The following IMPG2 variants were observed in gnomAD, a reference collection of about 807,000 sequenced individuals.
The protein encoded by IMPG2 is IPM 200.
In IMPG2, 91 loss-of-function variants were observed where a neutral mutation model predicts 129.2. The observed-to-expected ratio is 0.70, with a 90% CI of 0.59 to 0.84. The LOEUF (loss-of-function observed/expected upper bound fraction) is 0.84, where lower values mean the gene tolerates loss of function less well. Ranked by LOEUF, IMPG2 falls within the 40% of genes least tolerant of loss-of-function variation. The pLI is 0.00. For synonymous variants in IMPG2, 510 were observed against 517.7 expected, an observed-to-expected ratio of 0.99 and a Z score of 0.20; for missense variants, 1,430 against 1,461.7, an observed-to-expected ratio of 0.98 and a Z score of 0.35.
chr3:101,248,459 A>G (rs1213870884), intron 11 of IMPG2, among the ~76,000 whole-genome samples: 1 of 152,178 alleles, frequency 6.6e-6, no homozygotes, highest in Non-Finnish European at 1.5e-5. Flanking sequence ...GTGAAAACAG[A>G]TTAATACACA....
chr3:101,250,846 A>G (rs1236751078), intron 11 of IMPG2, among the ~76,000 whole-genome samples: 2 of 152,198 alleles, frequency 1.3e-5, no homozygotes, highest in South Asian at 2.1e-4. Context: ...GCCTATTTAC[A>G]TAGAAAAAAC....
intron 14 of IMPG2, among the ~76,000 whole-genome samples, chr3:101,241,741 T>C (rs1356561235): frequency 1.3e-5 from 2 of 151,966 alleles, no homozygotes; most frequent in Non-Finnish European, 2.9e-5. Context: ...AAGGATGACT[T>C]CTCTGGCCAG....
At chr3:101,272,122 TAC>T (rs1284991682) in intron 7 of IMPG2, among the ~76,000 whole-genome samples, 1 of 133,488 alleles carries the variant, frequency 7.5e-6, no homozygotes, top group Non-Finnish European at 1.6e-5. Context: ...CACACACACA[TAC>T]ACACACACAC....
intron 18 of IMPG2, among the ~76,000 whole-genome samples, 163 bp downstream of exon 18, chr3:101,228,634 C>T (rs1706248954): frequency 6.6e-6 from 1 of 152,208 alleles, no homozygotes; most frequent in South Asian, 2.1e-4. Flanking sequence ...ATGAGATAAT[C>T]TGCCTGGACA....
chr3:101,253,460 C>T (rs201162259), intron 11 of IMPG2, among the ~76,000 whole-genome samples: 1 of 152,070 alleles, frequency 6.6e-6, no homozygotes, highest in Non-Finnish European at 1.5e-5. Flanking sequence ...AAGGTTTCTA[C>T]CCTGTGTGGA....
intron 6 of IMPG2, among the ~76,000 whole-genome samples, chr3:101,274,766 G>A (rs1706823119): frequency 6.6e-6 from 1 of 152,140 alleles, no homozygotes; most frequent in South Asian, 2.1e-4. Context: ...TCTGCCTCAA[G>A]TTCAGAGCTG....
At chr3:101,285,267 T>C (rs1388398414) in intron 4 of IMPG2, among the ~76,000 whole-genome samples, 1 of 152,190 alleles carries the variant, frequency 6.6e-6, no homozygotes, top group Admixed American at 6.5e-5. Context: ...CCAAGAGTAC[T>C]GCCAGTGTGC....
chr3:101,302,780 G>A (rs942781758), intron 3 of IMPG2, among the ~76,000 whole-genome samples: 15 of 152,042 alleles, frequency 9.9e-5, no homozygotes, highest in South Asian at 2.1e-4. Context: ...CATGCAATAC[G>A]TTTCATTAAA....
Position 101,245,962 on chromosome 3 carries a change from T to C in IMPG2, c.1383A>G (p.Thr461=), listed in dbSNP as rs1473835643. 1.2e-6 allele frequency: 2 copies of C among 1,614,138 alleles called. No individual in the cohort carries two copies. Among genetic ancestry groups the C allele is most frequent in the South Asian group, 1.1e-5 (1 of 91,090 alleles). The stretch of plus-strand genomic sequence containing the variant: ...TCTTCGAGGGAAAGGCTAATTTGTG[T>C]GTAGACACTAAATCACCCAAAGGAC... ...SESPLGDLVS[T]HKLAFPSKMG... is the part of the protein sequence containing the mutation. The change falls in exon 12 of 19, where the codon ACA becomes ACG. Residue 461 remains threonine, a synonymous_variant. Coordinates refer to ENST00000193391, the MANE Select transcript of IMPG2 (RefSeq NM_016247.4).
intron 9 of IMPG2, among the ~76,000 whole-genome samples, chr3:101,266,115 G>A (rs1706718384): frequency 6.6e-6 from 1 of 152,168 alleles, no homozygotes; most frequent in African/African-American, 2.4e-5. Flanking sequence ...ATGTAAACTT[G>A]TATAGCCACT....
At chr3:101,253,644 G>T in intron 11 of IMPG2, 52 bp downstream of exon 11, 1 of 1,233,780 alleles carries the variant, frequency 8.1e-7, no homozygotes, top group Non-Finnish European at 1.2e-6. Flanking sequence ...GGTGCAGGAA[G>T]AAAGAAGAGA....
intron 8 of IMPG2, 109 bp downstream of exon 8, chr3:101,269,406 C>A: frequency 2.8e-6 from 2 of 704,970 alleles, no homozygotes; most frequent in Non-Finnish European, 2.6e-6. Context: ...CATTGAGTTA[C>A]AGCATTCAAA....
At chr3:101,291,560 G>C in intron 3 of IMPG2, 50 bp from the exon 4 acceptor site, 6 of 1,429,546 alleles carry the variant, frequency 4.2e-6, no homozygotes, top group East Asian at 2.3e-5. Context: ...CAGTTATTAA[G>C]GAGTAAATAA....
rs757015920 is a variant in IMPG2, at chr3:101,244,765, T to C, written c.1566A>G (p.Ser522=). Residue 522 remains serine (S), a synonymous_variant, in exon 13 of 19, where the codon TCA becomes TCG. Transcript: ENST00000193391. ...VEDGLANVEE[S]EDFLSIDSLP... ...ATGAATCAATAGAAAGAAAATCTTCTGACTCTTCAACATTGGCTAATCCTA... is the reference window on the plus strand; with the variant it reads ...ATGAATCAATAGAAAGAAAATCTTCCGACTCTTCAACATTGGCTAATCCTA... 3 of 1,613,990 alleles carry C rather than the reference T, an allele frequency of 1.9e-6. No homozygotes were observed. Among genetic ancestry groups the C allele is most frequent in the Non-Finnish European group, 2.5e-6 (3 of 1,179,900 alleles).
Position 101,228,847 on chromosome 3 carries a change from T to C in IMPG2, c.3663A>G (p.Glu1221=). The change falls in exon 18 of 19, where the codon GAA becomes GAG. Residue 1221 remains glutamate, a synonymous_variant. Coordinates refer to ENST00000193391, the MANE Select transcript of IMPG2 (RefSeq NM_016247.4). Reference sequence around the variant, plus strand: ...CAAACTCAGGATCATTGGCATACAGTTCCAAAACTCTCATTCTCTCTTGAA... The same window carrying C: ...CAAACTCAGGATCATTGGCATACAGCTCCAAAACTCTCATTCTCTCTTGAA... ...EEIQERMRVL[E]LYANDPEFAA... 6.2e-7 allele frequency: 1 copy of C among 1,613,894 alleles called. No homozygotes were observed. The highest frequency in any genetic ancestry group is 1.1e-5 in the South Asian group (1 of 91,068).
At chr3:101,254,861 G>A (rs147933798) in intron 10 of IMPG2, among the ~76,000 whole-genome samples, 28 of 152,038 alleles carry the variant, frequency 1.8e-4, no homozygotes, top group African/African-American at 5.8e-4. Context: ...ATGATAGTAA[G>A]TGAGTCCTCA....
chr3:101,272,072 G>GC (rs1457055196), intron 7 of IMPG2, among the ~76,000 whole-genome samples: 1 of 149,874 alleles, frequency 6.7e-6, no homozygotes, highest in Non-Finnish European at 1.5e-5. Flanking sequence ...AGCCTATCAT[G>GC]CCCCCACTTC....
At chr3:101,289,754 G>T (rs1487374139) in intron 4 of IMPG2, among the ~76,000 whole-genome samples, 4 of 151,966 alleles carry the variant, frequency 2.6e-5, no homozygotes, top group African/African-American at 4.8e-5. Context: ...TTTCTGGCCA[G>T]GGTGGAGAGG....
chr3:101,318,989 G>A (rs1335083307), intron 2 of IMPG2, among the ~76,000 whole-genome samples: 2 of 151,996 alleles, frequency 1.3e-5, no homozygotes, highest in Non-Finnish European at 2.9e-5. Flanking sequence ...CAACCTGTGT[G>A]AATCTGCAGA....
Sources: gnomAD v4.1 joint callset for allele counts (sites outside exome capture counted in the v4.1 genomes callset) on GRCh38, gnomAD v4.1.1 for gene constraint, MANE v1.5 for transcripts, NCBI Gene and HGNC (gene_info 2026-07-23, HGNC 2026-07-21) for gene names.